CD82: variants seen among roughly 807,000 people sequenced by gnomAD.
CD82 encodes the protein CD82 antigen.
Under a neutral mutation model 37.4 loss-of-function variants are expected in CD82, and 36 were observed. That is an observed-to-expected ratio of 0.96 (90% CI 0.74 to 1.27). The LOEUF is 1.27. Among genes scored for constraint, CD82 ranks in the 50% most tolerant of loss-of-function variants. CD82 has a pLI of 0.00. For missense variants in CD82, 340 were observed against 347.0 expected (o/e 0.98, Z 0.16); for synonymous variants, 158 against 137.4 (o/e 1.15, Z -1.05).
At chr11:44,600,783 C>T (rs1853297022) in intron 4 of CD82, among the ~76,000 whole-genome samples, 1 of 152,214 alleles carries the variant, frequency 6.6e-6, no homozygotes, top group African/African-American at 2.4e-5. Flanking sequence ...TTAATCCCAC[C>T]ACAGCCCTGT....
At chr11:44,575,392 G>C (rs1228604705) in intron 1 of CD82, among the ~76,000 whole-genome samples, 1 of 152,230 alleles carries the variant, frequency 6.6e-6, no homozygotes, top group African/African-American at 2.4e-5. Flanking sequence ...GAGGTGGGAA[G>C]ATGAGTCAGT....
At position 44,605,116 on chromosome 11, in the gene CD82, C is replaced by T; in HGVS notation, c.195C>T (p.Val65=). The T allele has an allele frequency of 6.2e-7, 1 of 1,614,238 alleles. No individual in the cohort carries two copies. The highest frequency in any genetic ancestry group is 1.1e-5 in the South Asian group (1 of 91,086). The change falls in exon 5 of 10, where the codon GTC becomes GTT. Residue 65 remains valine, a synonymous_variant. Coordinates refer to ENST00000227155, the MANE Select transcript of CD82 (RefSeq NM_002231.4). ...GAYVFIGVGA[V]TMLMGFLGCI... is the part of the protein sequence containing the mutation. ...ATGTCTTCATCGGCGTGGGGGCAGT[C>T]ACTATGCTCATGGGCTTCCTGGGCT...
intron 4 of CD82, among the ~76,000 whole-genome samples, chr11:44,601,968 G>A (rs1055682378): frequency 6.6e-6 from 1 of 151,824 alleles, no homozygotes; most frequent in Non-Finnish European, 1.5e-5. Context: ...CAGAACTGGG[G>A]ACAGCTCTTT....
chr11:44,577,658 G>A (rs1435219102), intron 1 of CD82, among the ~76,000 whole-genome samples: 6 of 152,258 alleles, frequency 3.9e-5, no homozygotes, highest in African/African-American at 9.6e-5. Flanking sequence ...TTCCTTCGTC[G>A]AAAAGTAAGG....
Position 44,568,908 on chromosome 11 carries a change from C to A in CD82, c.-103+3172C>A, listed in dbSNP as rs1488332100. 4.6e-5 allele frequency among the ~76,000 whole-genome samples: 7 copies of A among 152,324 alleles called. No individual in the cohort carries two copies. In the East Asian group the frequency reaches 1.4e-3, roughly 29 times the overall value. On this transcript the variant is annotated intron_variant, in intron 1 of 9. Transcript: ENST00000227155. ...CGGAGCATCTGGGGCCAGCTGGCAC[C>A]CCTGATTCTGGCTTGACCTTGGCCT...
rs763761192 is a variant in CD82 at position 44,619,023 on chromosome 11, C to T, written c.727-26C>T. The T allele has an allele frequency of 3.1e-6, 5 of 1,607,794 alleles. No individual in the cohort carries two copies. In the Admixed American group the frequency reaches 6.7e-5, roughly 21 times the overall value. ...TCTGAGGCCGGGACACCCAGCCTCCCTCTGACTCTCCGCCTCTCCCCACAG... is the reference window on the plus strand; with the variant it reads ...TCTGAGGCCGGGACACCCAGCCTCCTTCTGACTCTCCGCCTCTCCCCACAG... On this transcript the variant is annotated intron_variant, in intron 9 of 9. Coordinates refer to ENST00000227155, the MANE Select transcript of CD82 (RefSeq NM_002231.4).
In CD82 at chr11:44,619,300, G is replaced by A. The variant is rs1639795448; in HGVS notation, c.*174G>A. 1 of 597,818 alleles carries A rather than the reference G, an allele frequency of 1.7e-6. No individual in the cohort carries two copies. Among genetic ancestry groups the A allele is most frequent in the Non-Finnish European group, 3.0e-6 (1 of 332,966 alleles). 37.0% of individuals were successfully genotyped at this position (597,818 alleles called of 1,614,324 possible). A position where few individuals can be genotyped will look rare whatever the true frequency, so the allele number is the denominator to read the frequency against. On this transcript the variant is annotated 3_prime_UTR_variant, in exon 10 of 10. Coordinates refer to ENST00000227155, the MANE Select transcript of CD82 (RefSeq NM_002231.4). The stretch of plus-strand genomic sequence containing the variant: ...AGCGATCTCTCCTGGCCTATCCGCT[G>A]CCAGCCTTGAGCCCTGGCTGTTCTG...
At chr11:44,576,588 C>T (rs1468478221) in intron 1 of CD82, among the ~76,000 whole-genome samples, 1 of 152,196 alleles carries the variant, frequency 6.6e-6, no homozygotes, top group African/African-American at 2.4e-5. Context: ...GATTCAGGGT[C>T]TTGCAGTGGG....
chr11:44,566,800 T>C (rs1431389039), intron 1 of CD82, among the ~76,000 whole-genome samples: 1 of 151,992 alleles, frequency 6.6e-6, no homozygotes, highest in Non-Finnish European at 1.5e-5. Context: ...GAGCCTTTTT[T>C]TTTTCTTGGA....
chr11:44,569,277 G>A (rs926395796), intron 1 of CD82, among the ~76,000 whole-genome samples: 6 of 152,124 alleles, frequency 3.9e-5, no homozygotes, highest in East Asian at 1.9e-4. Flanking sequence ...CCACAGACCC[G>A]GGGCCTCTGC....
chr11:44,564,656 C>T (rs961457124), upstream of CD82, among the ~76,000 whole-genome samples: 17 of 152,172 alleles, frequency 1.1e-4, no homozygotes, highest in African/African-American at 4.1e-4. Context: ...GGCTTAGGCC[C>T]ACAGCCCCTC....
At chr11:44,565,376 G>T (rs1330540559), upstream of CD82, among the ~76,000 whole-genome samples, 2 of 152,202 alleles carry the variant, frequency 1.3e-5, no homozygotes, top group Non-Finnish European at 2.9e-5. Flanking sequence ...GGGCTGGAGC[G>T]GGGCGGGCTT....
chr11:44,578,230 GC>G (rs1267981828), intron 1 of CD82, among the ~76,000 whole-genome samples: 1 of 152,116 alleles, frequency 6.6e-6, no homozygotes, highest in East Asian at 1.9e-4. Context: ...GGCTCTCCAG[GC>G]CCATATCTCT....
At chr11:44,602,347 G>A (rs10838313) in intron 4 of CD82, among the ~76,000 whole-genome samples, 25,522 of 152,224 alleles carry the variant, frequency 0.17, 2,721 homozygotes, top group Non-Finnish European at 0.24. Flanking sequence ...AATGAGGATC[G>A]TAATAGAGTG....
At position 44,597,197 on chromosome 11, in the gene CD82, T is replaced by C. The variant is rs1853241767; in HGVS notation, c.63+2472T>C. On this transcript the variant is annotated intron_variant, in intron 3 of 9. Coordinates refer to ENST00000227155, the MANE Select transcript of CD82 (RefSeq NM_002231.4). This position sits in a 1 kb window ranked among gnomAD's most constrained non-coding sequence, Gnocchi z 4.1. ...TGCGTGCATGTGCACCTGTATGTCT[T>C]TGCCTGTACTCCCTCTGGACTCCAG... Among the ~76,000 whole-genome samples the C allele has an allele frequency of 6.6e-6, 1 of 152,214 alleles. No homozygotes were observed. The highest frequency in any genetic ancestry group is 1.5e-5 in the Non-Finnish European group (1 of 68,034).
intron 1 of CD82, among the ~76,000 whole-genome samples, chr11:44,570,982 ACCT>A (rs1194809787): frequency 3.9e-5 from 6 of 152,022 alleles, no homozygotes; most frequent in Non-Finnish European, 5.9e-5. Flanking sequence ...CTCCCCTCTG[ACCT>A]CCTACCCTGC....
At chr11:44,595,908 CAAAAAAAA>C (rs71449886) in intron 3 of CD82, among the ~76,000 whole-genome samples, 1 of 69,682 alleles carries the variant, frequency 1.4e-5, no homozygotes, top group Non-Finnish European at 2.7e-5. Flanking sequence ...TGTTTCTCTA[CAAAAAAAA>C]AAAAAAAAAA....
intron 1 of CD82, among the ~76,000 whole-genome samples, chr11:44,578,824 C>G (rs909387546): frequency 6.6e-6 from 1 of 152,176 alleles, no homozygotes; most frequent in African/African-American, 2.4e-5. Context: ...TAGGGACTGT[C>G]CCCACTGCAC....
intron 1 of CD82, among the ~76,000 whole-genome samples, chr11:44,574,558 G>A (rs1037984926): frequency 2.0e-5 from 3 of 152,102 alleles, no homozygotes; most frequent in African/African-American, 7.2e-5. Flanking sequence ...TAAACCAAAT[G>A]GCTACCCCAA....
Sources: allele counts gnomAD v4.1 joint callset (sites outside exome capture counted in the v4.1 genomes callset), GRCh38; gene constraint gnomAD v4.1.1; non-coding constraint Gnocchi (gnomAD v3.1); transcripts MANE v1.5; gene names NCBI Gene and HGNC (gene_info 2026-07-23, HGNC 2026-07-21).